ANKS1B: variants seen among roughly 807,000 people sequenced by gnomAD.
The protein encoded by ANKS1B is ankyrin repeat and sterile alpha motif domain containing 1B.
Under a neutral mutation model 148.3 loss-of-function variants are expected in ANKS1B, and 36 were observed. The ratio of observed to expected loss-of-function variants is 0.24; its 90% CI spans 0.19 to 0.32. The LOEUF (loss-of-function observed/expected upper bound fraction) is 0.32, where lower values mean the gene tolerates loss of function less well. Among genes scored for constraint, ANKS1B ranks in the 10% least tolerant of loss-of-function variants. ANKS1B has a pLI of 1.00. For missense variants in ANKS1B, 1,157 were observed against 1,542.6 expected (o/e 0.75, Z 4.19); for synonymous variants, 542 against 560.8 (o/e 0.97, Z 0.47).
Position 99,805,768 on chromosome 12 carries a change from A to AT in ANKS1B, c.669+635dup, listed in dbSNP as rs1418973913. Among the ~76,000 whole-genome samples, 1,079 of 146,890 alleles carry AT rather than the reference A, an allele frequency of 7.3e-3. 14 individuals carry two copies. Among genetic ancestry groups the AT allele is most frequent in the East Asian group, 0.034 (169 of 5,028 alleles). On this transcript the variant is annotated intron_variant, in intron 4 of 26. Transcript: ENST00000683438. ...GCTCACCTCAAATCACACCTTTTCC[A>AT]TTTTTTTTTTTCTGAGTGTCCTTAG...
At chr12:99,764,978 G>A (rs1601689338) in intron 8 of ANKS1B, among the ~76,000 whole-genome samples, 2 of 152,122 alleles carry the variant, frequency 1.3e-5, no homozygotes, top group African/African-American at 4.8e-5. Flanking sequence ...AGAAGTGGGT[G>A]GACAGGGTAG....
chr12:99,484,359 A>C (rs2096457855), intron 10 of ANKS1B, among the ~76,000 whole-genome samples: 1 of 151,620 alleles, frequency 6.6e-6, no homozygotes, highest in Non-Finnish European at 1.5e-5. Context: ...GTTTGAGAAG[A>C]CACTTATGAT....
intron 1 of ANKS1B, among the ~76,000 whole-genome samples, chr12:99,901,551 C>G (rs1482336204): frequency 6.6e-6 from 1 of 152,188 alleles, no homozygotes; most frequent in Non-Finnish European, 1.5e-5. Flanking sequence ...TATGTGCCCC[C>G]CAACCCTCTC....
chr12:99,818,847 G>A (rs1000166313), intron 2 of ANKS1B, among the ~76,000 whole-genome samples: 1 of 151,784 alleles, frequency 6.6e-6, no homozygotes, highest in African/African-American at 2.4e-5. Context: ...TCCATTTTCT[G>A]AAAGATATAA....
intron 12 of ANKS1B, among the ~76,000 whole-genome samples, chr12:99,325,821 C>CA (rs1332342987): frequency 2.0e-5 from 3 of 152,014 alleles, no homozygotes; most frequent in Non-Finnish European, 4.4e-5. Flanking sequence ...CCAGTCAAAG[C>CA]AAAAGTGGAC....
chr12:99,700,737 G>C (rs2054673585), intron 8 of ANKS1B, among the ~76,000 whole-genome samples: 1 of 152,112 alleles, frequency 6.6e-6, no homozygotes, highest in Admixed American at 6.6e-5. Flanking sequence ...TGGATAAAGG[G>C]GAACTACTGT....
intron 14 of ANKS1B, among the ~76,000 whole-genome samples, chr12:99,216,839 T>C (rs1208357932): frequency 6.6e-6 from 1 of 152,240 alleles, no homozygotes; most frequent in Non-Finnish European, 1.5e-5. Flanking sequence ...TAGCTTCCTT[T>C]GCAGCTTGGC....
chr12:99,566,024 C>A (rs1375282766), intron 9 of ANKS1B, among the ~76,000 whole-genome samples: 1 of 152,104 alleles, frequency 6.6e-6, no homozygotes, highest in Non-Finnish European at 1.5e-5. Context: ...AATACGCTGA[C>A]ATTTTGATCT....
intron 10 of ANKS1B, among the ~76,000 whole-genome samples, chr12:99,464,806 C>A (rs1053336233): frequency 6.6e-6 from 1 of 152,178 alleles, no homozygotes; most frequent in African/African-American, 2.4e-5. Flanking sequence ...AAGACCAAAT[C>A]TACGTCTGAT....
intron 9 of ANKS1B, among the ~76,000 whole-genome samples, chr12:99,591,126 T>C (rs1425767596): frequency 6.6e-6 from 1 of 152,086 alleles, no homozygotes; most frequent in Non-Finnish European, 1.5e-5. Flanking sequence ...TAAATAATTA[T>C]AGTCGAGAAT....
Position 99,647,208 on chromosome 12 carries a change from T to C in ANKS1B, c.1272+7859A>G, listed in dbSNP as rs1001030962. 3.9e-5 allele frequency among the ~76,000 whole-genome samples: 6 copies of C among 152,232 alleles called. No individual in the cohort carries two copies. The South Asian group carries it at 1.2e-3, about 32-fold the overall frequency. The stretch of plus-strand genomic sequence containing the variant: ...TTTGAAATCAGTTTTTCTCTTATTC[T>C]TTAAGAAAAAAAAAGGTCAGGGATA... On this transcript the variant is annotated intron_variant, in intron 9 of 26. Coordinates refer to ENST00000683438, the MANE Select transcript of ANKS1B (RefSeq NM_001352186.2).
intron 1 of ANKS1B, among the ~76,000 whole-genome samples, chr12:99,847,075 G>A (rs1230317484): frequency 2.6e-5 from 4 of 151,938 alleles, no homozygotes; most frequent in African/African-American, 9.7e-5. Context: ...ACAGTGGCAG[G>A]GCCTCAGAAG....
intron 9 of ANKS1B, among the ~76,000 whole-genome samples, chr12:99,647,230 G>A (rs2153429801): frequency 6.6e-6 from 1 of 152,164 alleles, no homozygotes; most frequent in Admixed American, 6.5e-5. Flanking sequence ...AAAGGTCAGG[G>A]ATATCTTTTC....
intron 17 of ANKS1B, among the ~76,000 whole-genome samples, chr12:98,945,929 G>T (rs1438332731): frequency 6.6e-6 from 1 of 152,084 alleles, no homozygotes; most frequent in Non-Finnish European, 1.5e-5. Context: ...CCCTCTCTTT[G>T]TCTGTCTGGC....
chr12:99,243,430 GA>G (rs1167600525), intron 14 of ANKS1B, among the ~76,000 whole-genome samples: 2 of 152,228 alleles, frequency 1.3e-5, no homozygotes, highest in African/African-American at 4.8e-5. Flanking sequence ...CTGTTTGTGG[GA>G]GCATAAATTA....
At chr12:99,750,673 C>A (rs981806119) in intron 8 of ANKS1B, among the ~76,000 whole-genome samples, 3 of 151,908 alleles carry the variant, frequency 2.0e-5, no homozygotes, top group African/African-American at 7.2e-5. Flanking sequence ...TGTTTCCAGG[C>A]CCATCCCCTT....
chr12:99,306,362 A>G (rs938961218), intron 12 of ANKS1B, among the ~76,000 whole-genome samples: 3 of 152,042 alleles, frequency 2.0e-5, no homozygotes, highest in African/African-American at 7.2e-5. Context: ...CCCCTAGCAA[A>G]GACTTTACTA....
At chr12:99,472,622 T>C (rs184281205) in intron 10 of ANKS1B, among the ~76,000 whole-genome samples, 5 of 152,204 alleles carry the variant, frequency 3.3e-5, no homozygotes, top group Admixed American at 6.5e-5. Context: ...GATTACCTTA[T>C]AGCTAGACAC....
intron 17 of ANKS1B, among the ~76,000 whole-genome samples, chr12:98,988,564 C>A (rs974501452): frequency 9.2e-5 from 14 of 151,986 alleles, no homozygotes; most frequent in Non-Finnish European, 2.1e-4. Context: ...GCAATGAACA[C>A]CAAAGTGCAG....
Sources: allele counts gnomAD v4.1 joint callset (sites outside exome capture counted in the v4.1 genomes callset), GRCh38; gene constraint gnomAD v4.1.1; transcripts MANE v1.5; gene names NCBI Gene and HGNC (gene_info 2026-07-23, HGNC 2026-07-21).